Variants in FUT8 observed in about 807,000 individuals in gnomAD.
FUT8 encodes the protein alpha-(1,6)-fucosyltransferase.
Under a neutral mutation model 71.3 loss-of-function variants are expected in FUT8, and 29 were observed. The ratio of observed to expected loss-of-function variants is 0.41; its 90% CI spans 0.30 to 0.55. The LOEUF (loss-of-function observed/expected upper bound fraction) is 0.55. FUT8 is among the 20% of genes least tolerant of loss of function. The pLI is 0.34. For synonymous variants in FUT8, 254 were observed against 239.3 expected, an observed-to-expected ratio of 1.06 and a Z score of -0.57; for missense variants, 544 against 702.1, an observed-to-expected ratio of 0.77 and a Z score of 2.55.
chr14:65,508,949 T>G (rs901282141), intron 2 of FUT8, among the ~76,000 whole-genome samples: 1 of 152,192 alleles, frequency 6.6e-6, no homozygotes, highest in African/African-American at 2.4e-5. Context: ...TTGTCCAGTT[T>G]TGCTTTGGTT....
the FUT8 span, among the ~76,000 whole-genome samples, chr14:65,383,223 G>T: frequency 1.4e-5 from 2 of 145,458 alleles, no homozygotes; most frequent in East Asian, 3.9e-4. Flanking sequence ...CTGTTGATAC[G>T]TACTCAATAA....
At chr14:65,415,002 AC>A (rs1472461605) in intron 1 of FUT8, among the ~76,000 whole-genome samples, 3 of 152,234 alleles carry the variant, frequency 2.0e-5, no homozygotes, top group African/African-American at 7.2e-5. Context: ...ATCGAAAAAA[AC>A]AAAACAAAAC....
In FUT8 at chr14:65,458,449, G is replaced by T. The variant is rs187118365; in HGVS notation, c.-228+2731G>T. The stretch of plus-strand genomic sequence containing the variant: ...ATGTAGGATGAAAGTGATAGAAACT[G>T]TCTTTCTGCCTTGGGGAAATTAATG... On this transcript the variant is annotated intron_variant, in intron 2 of 10. Transcript: ENST00000673929. Among the ~76,000 whole-genome samples, 345 of 152,292 alleles carry T rather than the reference G, an allele frequency of 2.3e-3. No individual in the cohort carries two copies. The Middle Eastern group carries it at 0.024, about 11-fold the overall frequency.
intron 9 of FUT8, among the ~76,000 whole-genome samples, chr14:65,731,393 G>GA (rs563277057): frequency 2.6e-5 from 4 of 151,136 alleles, no homozygotes; most frequent in Non-Finnish European, 4.4e-5. Flanking sequence ...TTATAAAGTG[G>GA]AAAAAAAAAT....
intron 2 of FUT8, among the ~76,000 whole-genome samples, chr14:65,533,197 C>T (rs970162945): frequency 6.6e-6 from 1 of 151,874 alleles, no homozygotes; most frequent in Non-Finnish European, 1.5e-5. Context: ...AAATGTCGTT[C>T]GTAGTTTGAT....
chr14:65,377,020 A>G, the FUT8 span, among the ~76,000 whole-genome samples: 1 of 152,232 alleles, frequency 6.6e-6, no homozygotes, highest in Non-Finnish European at 1.5e-5. Context: ...ATAAATTGTC[A>G]GTTAATCACT....
upstream of FUT8, chr14:65,411,433 G>C (rs1012442173): frequency 1.3e-5 from 2 of 153,156 alleles, no homozygotes; most frequent in African/African-American, 4.8e-5. Context: ...TGAGGACAAG[G>C]GATTTTCTTT....
At chr14:65,609,669 T>C (rs1001445944) in intron 3 of FUT8, among the ~76,000 whole-genome samples, 6 of 151,986 alleles carry the variant, frequency 3.9e-5, no homozygotes, top group Non-Finnish European at 7.4e-5. Flanking sequence ...TTATAATAGG[T>C]CTTTAAAAAC....
chr14:65,519,967 C>T (rs910397206), intron 2 of FUT8, among the ~76,000 whole-genome samples: 18 of 151,944 alleles, frequency 1.2e-4, no homozygotes, highest in African/African-American at 4.4e-4. Context: ...TTTGTAGAGG[C>T]CGGGTTTTGC....
intron 2 of FUT8, among the ~76,000 whole-genome samples, chr14:65,540,723 G>A (rs1296098936): frequency 6.6e-6 from 1 of 152,244 alleles, no homozygotes; most frequent in Non-Finnish European, 1.5e-5. Flanking sequence ...ACACTGTTGA[G>A]ATGGAATGGT....
the FUT8 span, among the ~76,000 whole-genome samples, chr14:65,400,080 A>C: frequency 6.6e-6 from 1 of 152,238 alleles, no homozygotes; most frequent in African/African-American, 2.4e-5. Context: ...TGGAACCTGA[A>C]AGAGTGAATA....
chr14:65,700,476 C>T (rs1279260367), intron 7 of FUT8, among the ~76,000 whole-genome samples: 12 of 144,250 alleles, frequency 8.3e-5, no homozygotes, highest in African/African-American at 3.1e-4. Context: ...CTGCAAGCTC[C>T]GCCTCCTGCG....
At chr14:65,651,315 A>G (rs1713364593) in intron 6 of FUT8, among the ~76,000 whole-genome samples, 1 of 152,248 alleles carries the variant, frequency 6.6e-6, no homozygotes, top group South Asian at 2.1e-4. Context: ...TATACCACCC[A>G]GGTTTCAGAC....
chr14:65,713,369 C>T (rs1411329765), intron 7 of FUT8, among the ~76,000 whole-genome samples: 1 of 152,174 alleles, frequency 6.6e-6, no homozygotes, highest in Non-Finnish European at 1.5e-5. Flanking sequence ...CATGGGAGTT[C>T]AGGTATCTCT....
At chr14:65,631,083 C>T (rs569664725) in intron 6 of FUT8, among the ~76,000 whole-genome samples, 1 of 152,222 alleles carries the variant, frequency 6.6e-6, no homozygotes, top group South Asian at 2.1e-4. Flanking sequence ...CTCATACCCA[C>T]ATGGCCATTC....
rs376940816 is a variant in FUT8, at chr14:65,709,127, C to A, written c.836-12648C>A. ...ATTGAACCCCATAAAAATACATATA[C>A]AATTATTAATTTTCAATTCAAAATA... On this transcript the variant is annotated intron_variant, in intron 7 of 10. Coordinates refer to ENST00000673929, the MANE Select transcript of FUT8 (RefSeq NM_001371533.1). Among the ~76,000 whole-genome samples, 3 of 151,938 alleles carry A rather than the reference C, an allele frequency of 2.0e-5. No individual in the cohort carries two copies. In the East Asian group the frequency reaches 5.8e-4, roughly 29 times the overall value.
At chr14:65,463,641 C>A (rs2065999529) in intron 2 of FUT8, among the ~76,000 whole-genome samples, 1 of 152,092 alleles carries the variant, frequency 6.6e-6, no homozygotes, top group Non-Finnish European at 1.5e-5. Context: ...TTGGTGTGGG[C>A]TGTTTTGATG....
intron 2 of FUT8, among the ~76,000 whole-genome samples, chr14:65,510,144 G>A (rs879026847): frequency 6.6e-6 from 1 of 151,982 alleles, no homozygotes; most frequent in African/African-American, 2.4e-5. Context: ...TTATTAGAAG[G>A]GATGTTGAAT....
chr14:65,731,682 G>A lies in FUT8; in HGVS notation c.1260-1549G>A, dbSNP rs577613383. Reference sequence around the variant, plus strand: ...GGTACCTTTTTTTAAAAAAATAATGGTAGGGTTTCACTGTGTTGCCCAGGC... The same window carrying A: ...GGTACCTTTTTTTAAAAAAATAATGATAGGGTTTCACTGTGTTGCCCAGGC... On this transcript the variant is annotated intron_variant, in intron 9 of 10. Coordinates refer to ENST00000673929, the MANE Select transcript of FUT8 (RefSeq NM_001371533.1). Among the ~76,000 whole-genome samples the A allele has an allele frequency of 7.2e-5, 11 of 152,168 alleles. 1 individual carries two copies. In the South Asian group the frequency reaches 1.7e-3, roughly 23 times the overall value.
Sources: gnomAD v4.1 joint callset for allele counts (sites outside exome capture counted in the v4.1 genomes callset) on GRCh38, gnomAD v4.1.1 for gene constraint, MANE v1.5 for transcripts, NCBI Gene and HGNC (gene_info 2026-07-23, HGNC 2026-07-21) for gene names.